Variants in DNAH14 observed in about 807,000 individuals in gnomAD.
DNAH14 encodes dynein axonemal heavy chain 14.
A neutral mutation model predicts 520.9 loss-of-function variants in DNAH14; 478 were observed. That is an observed-to-expected ratio of 0.92 (90% confidence interval 0.85 to 0.99). The LOEUF (loss-of-function observed/expected upper bound fraction) is 0.99, where lower values mean the gene tolerates loss of function less well. DNAH14 is among the 50% of genes least tolerant of loss of function. The pLI, the probability that DNAH14 is intolerant of heterozygous loss-of-function variation, is 0.00. For synonymous variants in DNAH14, 1,581 were observed against 1,757.2 expected (o/e 0.90, Z 2.51); for missense variants, 4,831 against 5,234.5 (o/e 0.92, Z 2.38).
In DNAH14 at chr1:225,082,759, TA is replaced by T; in HGVS notation, c.3327+27del. ...CTCAAGGTAAATAAAAATGGTTTTT[TA>T]AAAAAATAGGTTGAAATACCAGATG... is the stretch of plus-strand genomic sequence containing the variant. On this transcript the variant is annotated intron_variant, in intron 20 of 85. Transcript: ENST00000682510. 1.3e-6 allele frequency: 2 copies of T among 1,531,588 alleles called. No homozygotes were observed. The highest frequency in any genetic ancestry group is 2.5e-5 in the East Asian group (1 of 40,572). The allele number at this position is 1,531,588 out of a possible 1,614,324, so 94.9% of individuals were successfully genotyped here. A position where few individuals can be genotyped will look rare whatever the true frequency, so the allele number is the denominator to read the frequency against.
intron 41 of DNAH14, among the ~76,000 whole-genome samples, chr1:225,217,749 A>T (rs2089571910): frequency 6.6e-6 from 1 of 152,146 alleles, no homozygotes; most frequent in Admixed American, 6.5e-5. Flanking sequence ...AGGCCGTTGC[A>T]GAAGCGCAGT....
At chr1:225,174,985 T>G (rs1230608532) in intron 36 of DNAH14, among the ~76,000 whole-genome samples, 1 of 152,244 alleles carries the variant, frequency 6.6e-6, no homozygotes, top group African/African-American at 2.4e-5. Flanking sequence ...GTTTACTGTT[T>G]TGCATATGTT....
At chr1:225,299,780 G>A (rs759773964) in intron 55 of DNAH14, among the ~76,000 whole-genome samples, 2 of 152,142 alleles carry the variant, frequency 1.3e-5, no homozygotes, top group Admixed American at 6.6e-5. Flanking sequence ...CTCAAAAAGA[G>A]TGGGTAACTA....
At chr1:225,244,782 A>C (rs548416396) in intron 43 of DNAH14, among the ~76,000 whole-genome samples, 1 of 151,842 alleles carries the variant, frequency 6.6e-6, no homozygotes, top group Non-Finnish European at 1.5e-5. Flanking sequence ...CTATTTTGTT[A>C]ATCTTTTCAA....
intron 60 of DNAH14, among the ~76,000 whole-genome samples, chr1:225,315,585 C>A (rs2094451488): frequency 6.6e-6 from 1 of 152,056 alleles, no homozygotes; most frequent in Admixed American, 6.6e-5. Context: ...ATTTATCTAC[C>A]TGTGGTCTTT....
At chr1:225,131,458 T>C (rs75739527) in intron 27 of DNAH14, among the ~76,000 whole-genome samples, 8,365 of 152,246 alleles carry the variant, frequency 0.055, 471 homozygotes, top group East Asian at 0.24. Context: ...TGTGCATCTT[T>C]CTGACTATTC....
At chr1:225,084,786 T>G (rs1040236340) in intron 20 of DNAH14, among the ~76,000 whole-genome samples, 38 of 16,240 alleles carry the variant, frequency 2.3e-3, no homozygotes, top group Admixed American at 2.8e-3. Context: ...CCATAAAGAC[T>G]TGACAAGGCT....
chr1:224,967,167 A>T (rs1351916000), intron 5 of DNAH14, among the ~76,000 whole-genome samples: 2 of 152,106 alleles, frequency 1.3e-5, no homozygotes, highest in Non-Finnish European at 2.9e-5. Flanking sequence ...AGCATGTATT[A>T]TTAAGTATAT....
At position 225,138,286 on chromosome 1, in the gene DNAH14, G is replaced by T. The variant is rs2079135987; in HGVS notation, c.4255-2482G>T. 3.9e-5 allele frequency among the ~76,000 whole-genome samples: 6 copies of T among 152,310 alleles called. No homozygotes were observed. In the South Asian group the frequency reaches 1.2e-3, roughly 32 times the overall value. On this transcript the variant is annotated intron_variant, in intron 27 of 85. Transcript: ENST00000682510. Reference sequence around the variant, plus strand: ...GGACCATCTGCACTCTTCACAGCCTGCCAGCTGCAACAGCCGTTTCCCCCA... The same window carrying T: ...GGACCATCTGCACTCTTCACAGCCTTCCAGCTGCAACAGCCGTTTCCCCCA...
chr1:225,071,377 G>T (rs2071524452), intron 17 of DNAH14, among the ~76,000 whole-genome samples: 1 of 152,046 alleles, frequency 6.6e-6, no homozygotes, highest in Admixed American at 6.6e-5. Flanking sequence ...CAGGTCTGGT[G>T]GTAACAAATT....
intron 57 of DNAH14, 44 bp downstream of exon 57, chr1:225,303,391 T>C (rs761894308): frequency 1.3e-6 from 2 of 1,506,520 alleles, no homozygotes. Flanking sequence ...ATTGACAGCA[T>C]CTGATGGTAT....
chr1:225,214,185 G>C (rs776520834), intron 41 of DNAH14, among the ~76,000 whole-genome samples: 2 of 152,080 alleles, frequency 1.3e-5, no homozygotes, highest in South Asian at 4.1e-4. Context: ...TTTGTCTTTG[G>C]TTCTGTTTAT....
intron 23 of DNAH14, among the ~76,000 whole-genome samples, chr1:225,103,499 A>G (rs949446023): frequency 2.0e-5 from 3 of 151,938 alleles, no homozygotes; most frequent in Non-Finnish European, 4.4e-5. Flanking sequence ...CATTTTCACG[A>G]TATTGATTCT....
At position 225,079,442 on chromosome 1, in the gene DNAH14, T is replaced by G. The variant is rs758831586; in HGVS notation, c.2660T>G (p.Met887Arg). 2 of 1,547,622 alleles carry G rather than the reference T, an allele frequency of 1.3e-6. No homozygotes were observed. Among genetic ancestry groups the G allele is most frequent in the Non-Finnish European group, 1.7e-6 (2 of 1,146,044 alleles). ...LLKFSQLKSS[M>R]KLSKINKDTA... Reference sequence around the variant, plus strand: ...AAGTTTAGTCAACTAAAATCATCTATGAAGTTAAGTAAAATAAATAAAGAC... The same window carrying G: ...AAGTTTAGTCAACTAAAATCATCTAGGAAGTTAAGTAAAATAAATAAAGAC... Residue 887 changes from methionine to arginine, a missense_variant, in exon 18 of 86, where the codon ATG becomes AGG. Transcript: ENST00000682510.
intron 1 of DNAH14, among the ~76,000 whole-genome samples, chr1:224,947,207 C>T (rs915328314): frequency 5.9e-5 from 9 of 152,044 alleles, no homozygotes; most frequent in Non-Finnish European, 1.2e-4. Context: ...CGTGAACCAC[C>T]GCACCCAACC....
intron 77 of DNAH14, among the ~76,000 whole-genome samples, chr1:225,374,145 C>CTATATATA (rs71170080): frequency 0.017 from 560 of 32,914 alleles, 29 homozygotes; most frequent in Admixed American, 0.018. Flanking sequence ...TTGTGTCTTA[C>CTATATATA]TATATATATA....
Position 224,940,601 on chromosome 1 carries a change from G to A in DNAH14, c.-34+10766G>A, listed in dbSNP as rs575991875. ...TTAGTTACATATGTATGCATGTGCC[G>A]TGTTGGTGTGCTGCACCCATTAACT... On this transcript the variant is annotated intron_variant, in intron 1 of 85. Coordinates refer to ENST00000682510, the MANE Select transcript of DNAH14 (RefSeq NM_001367479.1). Among the ~76,000 whole-genome samples the A allele has an allele frequency of 1.1e-4, 16 of 151,926 alleles. 1 individual carries two copies. The South Asian group carries it at 1.5e-3, about 14-fold the overall frequency.
chr1:225,333,216 G>A, intron 65 of DNAH14, 75 bp from the exon 66 acceptor site: 1 of 1,223,706 alleles, frequency 8.2e-7, no homozygotes, highest in Non-Finnish European at 1.1e-6. Flanking sequence ...GATCCAACTT[G>A]GAAATCATTA....
chr1:224,986,680 C>A (rs2062667495), intron 8 of DNAH14, among the ~76,000 whole-genome samples: 1 of 152,112 alleles, frequency 6.6e-6, no homozygotes, highest in South Asian at 2.1e-4. Flanking sequence ...CATACCTCAA[C>A]ATAATAAAAG....
Sources: allele counts gnomAD v4.1 joint callset (sites outside exome capture counted in the v4.1 genomes callset), GRCh38; gene constraint gnomAD v4.1.1; transcripts MANE v1.5; gene names NCBI Gene and HGNC (gene_info 2026-07-23, HGNC 2026-07-21).